Variants in PJVK observed in about 807,000 individuals in gnomAD.
The protein encoded by PJVK is pejvakin, also known as autosomal recessive deafness type 59 protein.
A neutral mutation model predicts 37.6 loss-of-function variants in PJVK; 33 were observed. The observed-to-expected ratio is 0.88, with a 90% CI of 0.67 to 1.17. The LOEUF (loss-of-function observed/expected upper bound fraction) is 1.17, where lower values mean the gene tolerates loss of function less well. Ranked by LOEUF, PJVK falls within the 50% of genes most tolerant of loss-of-function variation. PJVK has a pLI of 0.00. For synonymous variants in PJVK, 141 were observed against 143.5 expected (o/e 0.98, Z 0.13); for missense variants, 410 against 413.8 (o/e 0.99, Z 0.08).
At chr2:178,455,184 T>G in intron 3 of PJVK, 4 of 1,590,542 alleles carry the variant, frequency 2.5e-6, no homozygotes, top group Non-Finnish European at 3.4e-6. Flanking sequence ...ATCAAGAAGA[T>G]GGAGTGGTGG....
chr2:178,453,777 A>G (rs1697869712), intron 2 of PJVK, 157 bp downstream of exon 2: 1 of 627,176 alleles, frequency 1.6e-6, no homozygotes, highest in Admixed American at 2.9e-5. Flanking sequence ...AAGATTAACA[A>G]TGCCAAAAGT....
chr2:178,453,872 G>A, intron 2 of PJVK: 1 of 419,964 alleles, frequency 2.4e-6, no homozygotes. Flanking sequence ...AATCAACTTA[G>A]AATATGACAT....
In PJVK at chr2:178,456,014, A is replaced by G. The variant is rs372829682; in HGVS notation, c.412A>G (p.Ile138Val). The G allele has an allele frequency of 1.2e-6, 2 of 1,613,916 alleles. No homozygotes were observed. The highest frequency in any genetic ancestry group is 1.7e-6 in the Non-Finnish European group (2 of 1,179,964). Residue 138 changes from isoleucine (I) to valine (V), a missense_variant, in exon 4 of 7, where the codon ATT becomes GTT. Ile to Val is a conservative substitution (Grantham distance 29, BLOSUM62 3). Transcript: ENST00000644580. ...AATGTATCTTCTTTATTTTAGAAAA[A>G]TTAACTTTGACCACAGCTTGATACG... The part of the protein sequence containing the change: ...TLLKEITTRK[I>V]NFDHSLIRQS...
chr2:178,455,300 A>G, intron 3 of PJVK: 1 of 1,349,496 alleles, frequency 7.4e-7, no homozygotes, highest in Non-Finnish European at 1.1e-6. Context: ...GGTGGAAAAG[A>G]CAATCTATGA....
At chr2:178,451,970 A>G (rs942938014) in intron 1 of PJVK, 2 of 538,212 alleles carry the variant, frequency 3.7e-6, no homozygotes, top group Non-Finnish European at 2.4e-6. Context: ...TTGCTTGCAC[A>G]ATGCTATTCG....
In PJVK at chr2:178,460,848, CA is replaced by C. The variant is rs748779811; in HGVS notation, c.767-110del. On this transcript the variant is annotated intron_variant, in intron 6 of 6. Coordinates refer to ENST00000644580, the MANE Select transcript of PJVK (RefSeq NM_001042702.5). ...TGGGTGACAGAGCCAGACCCTGTCTCAAAAAAAAAAAAAAAAAAAAAAAAGC... is the reference window on the plus strand; with the variant it reads ...TGGGTGACAGAGCCAGACCCTGTCTCAAAAAAAAAAAAAAAAAAAAAAAGC... 36,167 of 302,558 alleles carry C rather than the reference CA, an allele frequency of 0.12. 7 individuals carry two copies. The highest frequency in any genetic ancestry group is 0.14 in the Middle Eastern group (116 of 858). The allele number at this position is 302,558 out of a possible 1,614,324, so 18.7% of individuals were successfully genotyped here. A position where few individuals can be genotyped will look rare whatever the true frequency, so the allele number is the denominator to read the frequency against.
rs756457774 is a variant in PJVK at position 178,460,476 on chromosome 2, C to CT, written c.766+40dup. 10,330 of 1,393,724 alleles carry CT rather than the reference C, an allele frequency of 7.4e-3. No homozygotes were observed. Among genetic ancestry groups the CT allele is most frequent in the African/African-American group, 0.02 (1,416 of 69,316 alleles). The allele number at this position is 1,393,724 out of a possible 1,614,324, so 86.3% of individuals were successfully genotyped here. A position where few individuals can be genotyped will look rare whatever the true frequency, so the allele number is the denominator to read the frequency against. ...GTTTATTGAAGAGTACTGTGAATGT[C>CT]TTTTTTTTTTCTTTCCTGGCTTAAC... On this transcript the variant is annotated intron_variant, in intron 6 of 6. Coordinates refer to ENST00000644580, the MANE Select transcript of PJVK (RefSeq NM_001042702.5).
In PJVK at chr2:178,451,391, T is replaced by G. The variant is rs1326621449; in HGVS notation, c.-401T>G. 2.2e-5 allele frequency: 7 copies of G among 313,836 alleles called. No homozygotes were observed. Among genetic ancestry groups the G allele is most frequent in the Non-Finnish European group, 3.6e-5 (6 of 168,214 alleles). The allele number at this position is 313,836 out of a possible 1,614,324, so 19.4% of individuals were successfully genotyped here. A position where few individuals can be genotyped will look rare whatever the true frequency, so the allele number is the denominator to read the frequency against. On this transcript the variant is annotated 5_prime_UTR_variant, in exon 1 of 7. Coordinates refer to ENST00000644580, the MANE Select transcript of PJVK (RefSeq NM_001042702.5). ...CCTGCCGGCCCTGACCAGCCTGTAG[T>G]AACTGGCCCCTAGGCCGCAGTTCTT...
chr2:178,453,586 A>C lies in PJVK; in HGVS notation c.177A>C (p.Lys59Asn). The change falls in exon 2 of 7, where the codon AAA (lysine) becomes AAC (asparagine). Residue 59 changes from lysine to asparagine, a missense_variant. Coordinates refer to ENST00000644580, the MANE Select transcript of PJVK (RefSeq NM_001042702.5). ...TTACTTCAACACCTTTTACACTGAA[A>C]GATATTCTCCTAGGAGACAGAGAAA... ...YKFTSTPFTL[K>N]DILLGDREIS... 6.2e-7 allele frequency: 1 copy of C among 1,613,854 alleles called. No homozygotes were observed. Among genetic ancestry groups the C allele is most frequent in the Middle Eastern group, 1.7e-4 (1 of 6,052 alleles).
At chr2:178,451,842 T>A in intron 1 of PJVK, 73 bp downstream of exon 1, 1 of 985,476 alleles carries the variant, frequency 1.0e-6, no homozygotes, top group Admixed American at 6.1e-5. Context: ...TCGGTTGTAA[T>A]GGCGTTTGCC....
chr2:178,452,769 G>A (rs1000239298), intron 1 of PJVK: 1 of 291,412 alleles, frequency 3.4e-6, no homozygotes, highest in Non-Finnish European at 5.1e-6. Context: ...TATATGTAAT[G>A]TGGCTTTATT....
At chr2:178,457,133 A>C (rs1684160779) in intron 4 of PJVK, among the ~76,000 whole-genome samples, 2 of 151,880 alleles carry the variant, frequency 1.3e-5, no homozygotes, top group Non-Finnish European at 2.9e-5. Flanking sequence ...CACGCCCGGC[A>C]GTGTTATCCA....
Position 178,461,111 on chromosome 2 carries a change from T to G in PJVK, c.896T>G (p.Leu299Ter). The G allele has an allele frequency of 1.2e-6, 2 of 1,614,144 alleles. No individual in the cohort carries two copies. The highest frequency in any genetic ancestry group is 1.7e-6 in the Non-Finnish European group (2 of 1,180,018). The change falls in exon 7 of 7, where the codon TTA (leucine) becomes TGA (stop). Residue 299 changes from leucine (L) to a stop codon, truncating the protein, a stop_gained. Transcript: ENST00000644580. LOFTEE classifies it high-confidence loss of function. ...LKEGTHIRVN[L>*]LNHNIPKGPC... is the part of the protein sequence containing the mutation. The stretch of plus-strand genomic sequence containing the variant: ...GAAGGGACCCATATCCGAGTTAACT[T>G]ACTTAATCACAACATTCCCAAAGGG...
At chr2:178,453,009 T>C in intron 1 of PJVK, 1 of 246,264 alleles carries the variant, frequency 4.1e-6, no homozygotes, top group Non-Finnish European at 8.1e-6. Context: ...GGACTATCGT[T>C]AGTGCCTAAA....
intron 4 of PJVK, among the ~76,000 whole-genome samples, chr2:178,457,069 T>G (rs1684152775): frequency 6.6e-6 from 1 of 152,122 alleles, no homozygotes; most frequent in African/African-American, 2.4e-5. Flanking sequence ...CCCGGGTTCA[T>G]GCCATTCTTC....
At chr2:178,455,949 G>A (rs1289903231) in intron 3 of PJVK, 61 bp from the exon 4 acceptor site, 5 of 1,576,540 alleles carry the variant, frequency 3.2e-6, no homozygotes, top group South Asian at 2.3e-5. Context: ...AGCAAAAAAT[G>A]TATTTGATTA....
chr2:178,452,245 A>G (rs1697719299), intron 1 of PJVK: 1 of 946,758 alleles, frequency 1.1e-6, no homozygotes, highest in Non-Finnish European at 1.3e-6. Context: ...GTGAGCCGAG[A>G]TCGCGCCACT....
At chr2:178,454,103 A>T in intron 2 of PJVK, 1 of 429,838 alleles carries the variant, frequency 2.3e-6, no homozygotes, top group Non-Finnish European at 4.3e-6. Context: ...TTGATGCTTA[A>T]GAAGTTCTGT....
At position 178,458,577 on chromosome 2, in the gene PJVK, C is replaced by T. The variant is rs1421629289; in HGVS notation, c.617C>T (p.Thr206Ile). Reference protein sequence around the residue: ...DKAIVFPAHTTIAFSVFELFI... With the variant: ...DKAIVFPAHTIIAFSVFELFI... ...GCTATTGTTTTCCCAGCACATACAACCATAGCTTTCAGTGTTTTTGAACTC... is the reference window on the plus strand; with the variant it reads ...GCTATTGTTTTCCCAGCACATACAATCATAGCTTTCAGTGTTTTTGAACTC... The change falls in exon 5 of 7, where the codon ACC becomes ATC. Residue 206 changes from threonine (T) to isoleucine (I), a missense_variant. Physicochemically the swap from Thr to Ile is moderately conservative, Grantham distance 89 (BLOSUM62 -1). Transcript: ENST00000644580. 6.2e-7 allele frequency: 1 copy of T among 1,613,958 alleles called. No homozygotes were observed. The highest frequency in any genetic ancestry group is 1.3e-5 in the African/African-American group (1 of 74,920).
Sources: gnomAD v4.1 joint callset for allele counts (sites outside exome capture counted in the v4.1 genomes callset) on GRCh38, gnomAD v4.1.1 for gene constraint, MANE v1.5 for transcripts, NCBI Gene and HGNC (gene_info 2026-07-23, HGNC 2026-07-21) for gene names.